CDR2: variants seen among roughly 807,000 people sequenced by gnomAD.
The protein encoded by CDR2 is cerebellar degeneration related protein 2.
Under a neutral mutation model 48.4 loss-of-function variants are expected in CDR2, and 34 were observed. That is an observed-to-expected ratio of 0.70 (90% confidence interval 0.53 to 0.94). CDR2 has a LOEUF of 0.94. Ranked by LOEUF, CDR2 falls within the 40% of genes least tolerant of loss-of-function variation. CDR2 has a pLI of 0.00. For missense variants in CDR2, 498 were observed against 549.5 expected (o/e 0.91, Z 0.94); for synonymous variants, 240 against 219.7 (o/e 1.09, Z -0.82).
At chr16:22,358,878 T>G (rs969777455) in intron 2 of CDR2, among the ~76,000 whole-genome samples, 1 of 152,190 alleles carries the variant, frequency 6.6e-6, no homozygotes, top group Admixed American at 6.5e-5. Context: ...TTCTGGAAGA[T>G]TTATTTTTTC....
rs747178075 is a variant in CDR2, at chr16:22,346,927, A to T, written c.*38T>A. The T allele has an allele frequency of 1.1e-5, 17 of 1,578,972 alleles. No homozygotes were observed. Among genetic ancestry groups the T allele is most frequent in the Non-Finnish European group, 1.4e-5 (16 of 1,156,976 alleles). On this transcript the variant is annotated 3_prime_UTR_variant, in exon 5 of 5. Coordinates refer to ENST00000268383, the MANE Select transcript of CDR2 (RefSeq NM_001802.2). ...TGTCTGAATGGGAGAGAGAGGCGAT[A>T]GGCAATAGGCAAATTAGTAGTAGAG...
chr16:22,368,452 C>T (rs955300151), intron 1 of CDR2, among the ~76,000 whole-genome samples: 4 of 152,174 alleles, frequency 2.6e-5, no homozygotes, highest in South Asian at 2.1e-4. Flanking sequence ...TCAAGTGATC[C>T]GCCCACCGCG....
At chr16:22,362,589 C>A (rs2049017349) in intron 2 of CDR2, among the ~76,000 whole-genome samples, 1 of 152,188 alleles carries the variant, frequency 6.6e-6, no homozygotes. Context: ...TCGGATAAAC[C>A]TCATAGACTA....
chr16:22,350,114 G>C (rs895471537), intron 2 of CDR2, among the ~76,000 whole-genome samples: 1 of 151,996 alleles, frequency 6.6e-6, no homozygotes, highest in Admixed American at 6.6e-5. Flanking sequence ...GCTTGAACCT[G>C]GAAGACAGAG....
At chr16:22,367,102 T>C (rs1216956546) in intron 1 of CDR2, 1 of 152,450 alleles carries the variant, frequency 6.6e-6, no homozygotes, top group African/African-American at 2.4e-5. Flanking sequence ...TGGCTGACTG[T>C]AGCCTTGGAT....
intron 2 of CDR2, among the ~76,000 whole-genome samples, chr16:22,356,640 C>G (rs2048975613): frequency 6.6e-6 from 1 of 152,112 alleles, no homozygotes; most frequent in Non-Finnish European, 1.5e-5. Context: ...GTAATCCCAG[C>G]TACTCAGGAG....
chr16:22,371,527 T>C (rs1028806847), intron 1 of CDR2, among the ~76,000 whole-genome samples: 5 of 152,236 alleles, frequency 3.3e-5, no homozygotes, highest in Non-Finnish European at 4.4e-5. Flanking sequence ...GGAGGTGCTG[T>C]GGCCCCAGGG....
rs758679542 is a variant in CDR2 at position 22,349,356 on chromosome 16, T to C, written c.429A>G (p.Arg143=). The C allele has an allele frequency of 2.4e-5, 38 of 1,613,990 alleles. No individual in the cohort carries two copies. The highest frequency in any genetic ancestry group is 4.5e-5 in the East Asian group (2 of 44,888). ...VEELKSSGQG[R]RSPGKCDQEK... is the part of the protein sequence containing the mutation. ...CCTGGTCACACTTTCCCGGGCTCCT[T>C]CTCCCTTGGCCAGATGACTTCAGCT... Residue 143 remains arginine, a synonymous_variant, in exon 4 of 5, where the codon AGA becomes AGG. Transcript: ENST00000268383.
At position 22,362,196 on chromosome 16, in the gene CDR2, C is replaced by T. The variant is rs181828835; in HGVS notation, c.192+2706G>A. Among the ~76,000 whole-genome samples, 37 of 152,252 alleles carry T rather than the reference C, an allele frequency of 2.4e-4. 1 individual carries two copies. In the East Asian group the frequency reaches 5.2e-3, roughly 21 times the overall value. On this transcript the variant is annotated intron_variant, in intron 2 of 4. Transcript: ENST00000268383. ...GATTACAGGCGTGAGCCACCGCACC[C>T]GGCTGAATTTTATACCTATTTAATC...
At chr16:22,368,349 A>G (rs1260397802) in intron 1 of CDR2, among the ~76,000 whole-genome samples, 2 of 152,122 alleles carry the variant, frequency 1.3e-5, no homozygotes, top group Non-Finnish European at 2.9e-5. Flanking sequence ...AGCTGGGATT[A>G]CAGGCACCCA....
intron 2 of CDR2, among the ~76,000 whole-genome samples, chr16:22,354,472 T>C (rs922746604): frequency 1.3e-5 from 2 of 152,242 alleles, no homozygotes; most frequent in African/African-American, 4.8e-5. Context: ...TTAACAATCA[T>C]TAATTCCCTG....
chr16:22,361,183 T>C (rs1005464990), intron 2 of CDR2, among the ~76,000 whole-genome samples: 1 of 152,228 alleles, frequency 6.6e-6, no homozygotes, highest in African/African-American at 2.4e-5. Flanking sequence ...GGTGACCAGA[T>C]GAGCTGATAA....
chr16:22,373,792 A>G (rs2049095301), intron 1 of CDR2, among the ~76,000 whole-genome samples: 2 of 151,936 alleles, frequency 1.3e-5, no homozygotes, highest in African/African-American at 4.9e-5. Context: ...ACGCCGCAAA[A>G]CAACTACCAC....
intron 1 of CDR2, among the ~76,000 whole-genome samples, chr16:22,373,778 C>T (rs1223340178): frequency 6.6e-6 from 1 of 152,230 alleles, no homozygotes; most frequent in Admixed American, 6.5e-5. Flanking sequence ...GCACAGCTCC[C>T]GCTACGCCGC....
intron 3 of CDR2, 57 bp from the exon 4 acceptor site, chr16:22,349,500 CGG>C: frequency 6.3e-7 from 1 of 1,594,922 alleles, no homozygotes; most frequent in Non-Finnish European, 8.6e-7. Context: ...AGGGCAAAAG[CGG>C]TGAGGAGAGA....
intron 4 of CDR2, 142 bp downstream of exon 4, chr16:22,349,137 T>G: frequency 2.5e-6 from 2 of 792,508 alleles, no homozygotes; most frequent in Non-Finnish European, 4.1e-6. Context: ...TTTATATGTT[T>G]AAGTGATTTT....
chr16:22,348,660 T>G (rs1321483999), intron 4 of CDR2, among the ~76,000 whole-genome samples: 3 of 152,222 alleles, frequency 2.0e-5, no homozygotes, highest in Non-Finnish European at 4.4e-5. Context: ...ATTTGCATTT[T>G]GAAAAACCCC....
intron 2 of CDR2, among the ~76,000 whole-genome samples, chr16:22,356,548 T>C (rs2048975028): frequency 6.6e-6 from 1 of 151,462 alleles, no homozygotes; most frequent in African/African-American, 2.4e-5. Flanking sequence ...AGGTCAGGAG[T>C]TTGAGACCAG....
chr16:22,351,104 C>T (rs2048938725), intron 2 of CDR2, among the ~76,000 whole-genome samples: 6 of 152,188 alleles, frequency 3.9e-5, no homozygotes, highest in Admixed American at 2.0e-4. Context: ...TGAGTGAGAA[C>T]ATGCAGTGTT....
Sources: allele counts gnomAD v4.1 joint callset (sites outside exome capture counted in the v4.1 genomes callset), GRCh38; gene constraint gnomAD v4.1.1; transcripts MANE v1.5; gene names NCBI Gene and HGNC (gene_info 2026-07-23, HGNC 2026-07-21).